The following SH3GL2 variants were observed in gnomAD, a reference collection of about 807,000 sequenced individuals.
SH3GL2 encodes endophilin-A1.
A neutral mutation model predicts 46.0 loss-of-function variants in SH3GL2; 24 were observed. The observed-to-expected ratio is 0.52, with a 90% CI of 0.38 to 0.73. SH3GL2 has a LOEUF of 0.73. SH3GL2 is among the 30% of genes least tolerant of loss of function. SH3GL2 has a pLI of 0.00. For missense variants in SH3GL2, 413 were observed against 424.2 expected (o/e 0.97, Z 0.23); for synonymous variants, 196 against 147.1 (o/e 1.33, Z -2.40).
chr9:17,651,754 C>T (rs1182994176), intron 1 of SH3GL2, among the ~76,000 whole-genome samples: 1 of 152,122 alleles, frequency 6.6e-6, no homozygotes, highest in Non-Finnish European at 1.5e-5. Flanking sequence ...ATGTTGTTTT[C>T]ATATTTCCAA....
chr9:17,602,590 C>A (rs1372783201), intron 1 of SH3GL2, among the ~76,000 whole-genome samples: 1 of 152,100 alleles, frequency 6.6e-6, no homozygotes, highest in East Asian at 1.9e-4. Context: ...AACCGGATCC[C>A]ATGTAGACCT....
intron 3 of SH3GL2, among the ~76,000 whole-genome samples, chr9:17,762,106 C>T (rs1037414041): frequency 1.3e-5 from 2 of 152,070 alleles, no homozygotes; most frequent in African/African-American, 4.8e-5. Context: ...GGGGCAGTTT[C>T]GGTAGGCACT....
At chr9:17,679,456 TGTGATTTTTGCACATTGATTTTGTATCC>T in intron 1 of SH3GL2, among the ~76,000 whole-genome samples, 1 of 152,296 alleles carries the variant, frequency 6.6e-6, no homozygotes, top group Admixed American at 6.5e-5. Flanking sequence ...TAAGAATGCT[TGTGATTTTTGCACATTGATTTTGTATCC>T]TGAGACTTTG....
At chr9:17,728,108 G>A (rs1434129459) in intron 1 of SH3GL2, among the ~76,000 whole-genome samples, 1 of 151,994 alleles carries the variant, frequency 6.6e-6, no homozygotes, top group African/African-American at 2.4e-5. Flanking sequence ...TTAAAAGCTG[G>A]GTATTTACAT....
chr9:17,758,306 A>G (rs1420856435), intron 2 of SH3GL2, among the ~76,000 whole-genome samples: 1 of 152,068 alleles, frequency 6.6e-6, no homozygotes, highest in African/African-American at 2.4e-5. Context: ...CATGCCTGTA[A>G]TCCCAGCACT....
At chr9:17,711,196 C>G (rs1304096014) in intron 1 of SH3GL2, among the ~76,000 whole-genome samples, 1 of 151,854 alleles carries the variant, frequency 6.6e-6, no homozygotes, top group Non-Finnish European at 1.5e-5. Flanking sequence ...TACTGAAGTA[C>G]TTTTGTTACC....
intron 7 of SH3GL2, among the ~76,000 whole-genome samples, chr9:17,791,608 G>A (rs1345493041): frequency 6.6e-6 from 1 of 152,164 alleles, no homozygotes; most frequent in Non-Finnish European, 1.5e-5. Context: ...TGCTGATAAT[G>A]GATGCCATTT....
intron 3 of SH3GL2, among the ~76,000 whole-genome samples, chr9:17,765,833 C>T (rs551597689): frequency 6.6e-6 from 1 of 152,292 alleles, no homozygotes; most frequent in African/African-American, 2.4e-5. Flanking sequence ...GTCTTATTCA[C>T]CACCACATCC....
At chr9:17,668,596 GT>G (rs1206499091) in intron 1 of SH3GL2, among the ~76,000 whole-genome samples, 1 of 152,122 alleles carries the variant, frequency 6.6e-6, no homozygotes, top group African/African-American at 2.4e-5. Flanking sequence ...ATTCACCCAT[GT>G]TTTCCCCTTA....
At chr9:17,745,435 C>T (rs1445156218) in intron 1 of SH3GL2, among the ~76,000 whole-genome samples, 1 of 152,064 alleles carries the variant, frequency 6.6e-6, no homozygotes, top group Non-Finnish European at 1.5e-5. Flanking sequence ...ATTCTTATGC[C>T]ATTTAATTTT....
chr9:17,790,853 G>A (rs1824106874), intron 6 of SH3GL2, among the ~76,000 whole-genome samples: 1 of 152,092 alleles, frequency 6.6e-6, no homozygotes, highest in African/African-American at 2.4e-5. Context: ...TTAACAGCAT[G>A]AAAAGTATAA....
chr9:17,667,671 CT>C (rs1820380111), intron 1 of SH3GL2, among the ~76,000 whole-genome samples: 1 of 151,912 alleles, frequency 6.6e-6, no homozygotes, highest in Admixed American at 6.6e-5. Flanking sequence ...TTGCATATAC[CT>C]TGAGGTGGAA....
chr9:17,743,770 C>G (rs1372653332), intron 1 of SH3GL2, among the ~76,000 whole-genome samples: 1 of 152,184 alleles, frequency 6.6e-6, no homozygotes, highest in Non-Finnish European at 1.5e-5. Context: ...ATTAAAATCA[C>G]TCTATATTTA....
At chr9:17,755,084 C>T (rs1280230011) in intron 2 of SH3GL2, among the ~76,000 whole-genome samples, 3 of 152,136 alleles carry the variant, frequency 2.0e-5, no homozygotes, top group Admixed American at 2.0e-4. Flanking sequence ...GGAAATGCTT[C>T]CAGCTTTTGC....
At chr9:17,602,015 C>T (rs984366270) in intron 1 of SH3GL2, among the ~76,000 whole-genome samples, 2 of 152,200 alleles carry the variant, frequency 1.3e-5, no homozygotes, top group African/African-American at 4.8e-5. Flanking sequence ...AGAAAGCCTT[C>T]TGGTTGAACT....
chr9:17,583,722 C>T (rs1048326043), intron 1 of SH3GL2, among the ~76,000 whole-genome samples: 1 of 152,034 alleles, frequency 6.6e-6, no homozygotes, highest in Non-Finnish European at 1.5e-5. Context: ...GTTTATTTGT[C>T]ACACTCAGAT....
intron 1 of SH3GL2, chr9:17,590,033 T>C (rs1408496447): frequency 6.6e-6 from 1 of 152,160 alleles, no homozygotes; most frequent in Non-Finnish European, 1.5e-5. Flanking sequence ...GAGAGAATAG[T>C]GAGGCCTGAT....
At chr9:17,594,125 A>T (rs1818530756) in intron 1 of SH3GL2, among the ~76,000 whole-genome samples, 1 of 152,138 alleles carries the variant, frequency 6.6e-6, no homozygotes, top group South Asian at 2.1e-4. Flanking sequence ...GTGGCTCCTT[A>T]TGGCTCCCAG....
chr9:17,683,493 G>A (rs1447945478), intron 1 of SH3GL2, among the ~76,000 whole-genome samples: 1 of 152,054 alleles, frequency 6.6e-6, no homozygotes, highest in Non-Finnish European at 1.5e-5. Flanking sequence ...GAAAATTGCT[G>A]TACCTTTGGA....
Sources: gnomAD v4.1 joint callset for allele counts (sites outside exome capture counted in the v4.1 genomes callset) on GRCh38, gnomAD v4.1.1 for gene constraint, MANE v1.5 for transcripts, NCBI Gene and HGNC (gene_info 2026-07-23, HGNC 2026-07-21) for gene names.